Variants in FSTL5 observed in about 807,000 individuals in gnomAD.
The protein encoded by FSTL5 is follistatin like 5, also known as follistatin-related protein 5.
FSTL5 carries 62 observed loss-of-function variants against 89.1 expected under a neutral mutation model. That is an observed-to-expected ratio of 0.70 (90% confidence interval 0.57 to 0.86). FSTL5 has a LOEUF of 0.86. FSTL5 is among the 40% of genes least tolerant of loss of function. The pLI, the probability that FSTL5 is intolerant of heterozygous loss-of-function variation, is 0.00. For missense variants in FSTL5, 1,057 were observed against 1,001.6 expected, an observed-to-expected ratio of 1.06 and a Z score of -0.75; for synonymous variants, 383 against 346.2, an observed-to-expected ratio of 1.11 and a Z score of -1.18.
At chr4:162,156,098 C>T (rs1052004296) in intron 1 of FSTL5, among the ~76,000 whole-genome samples, 3 of 152,040 alleles carry the variant, frequency 2.0e-5, no homozygotes, top group African/African-American at 7.2e-5. Flanking sequence ...GTGGGCAATA[C>T]CTTAAGACTT....
At chr4:162,028,511 A>AG (rs1737388999) in intron 3 of FSTL5, among the ~76,000 whole-genome samples, 1 of 152,192 alleles carries the variant, frequency 6.6e-6, no homozygotes, top group Non-Finnish European at 1.5e-5. Flanking sequence ...CAGGAGGCGG[A>AG]GGTTGCAGTG....
intron 6 of FSTL5, among the ~76,000 whole-genome samples, chr4:161,702,872 C>A (rs1306678322): frequency 6.6e-6 from 1 of 152,020 alleles, no homozygotes; most frequent in African/African-American, 2.4e-5. Flanking sequence ...GTGTCCCCTA[C>A]AAAATTTATA....
intron 2 of FSTL5, among the ~76,000 whole-genome samples, chr4:162,074,616 C>T (rs1729763190): frequency 6.6e-6 from 1 of 151,672 alleles, no homozygotes; most frequent in Non-Finnish European, 1.5e-5. Flanking sequence ...AAGCAAGTCT[C>T]AGATCTTTCT....
intron 3 of FSTL5, among the ~76,000 whole-genome samples, chr4:161,982,420 T>G (rs1248746557): frequency 3.3e-5 from 5 of 152,236 alleles, no homozygotes; most frequent in African/African-American, 1.2e-4. Context: ...TGGTTCTCTA[T>G]GTATAAGTGA....
At chr4:161,593,018 C>A (rs1733882395) in intron 7 of FSTL5, among the ~76,000 whole-genome samples, 1 of 152,030 alleles carries the variant, frequency 6.6e-6, no homozygotes, top group African/African-American at 2.4e-5. Flanking sequence ...TGAGGATTTA[C>A]CTTCTAAGAG....
intron 13 of FSTL5, among the ~76,000 whole-genome samples, chr4:161,478,144 G>A (rs146329197): frequency 8.5e-5 from 13 of 152,094 alleles, no homozygotes; most frequent in African/African-American, 3.1e-4. Flanking sequence ...GTACAAAATT[G>A]TAGCAAGTAG....
chr4:161,872,970 G>C (rs992009118), intron 4 of FSTL5, among the ~76,000 whole-genome samples: 1 of 152,196 alleles, frequency 6.6e-6, no homozygotes, highest in African/African-American at 2.4e-5. Context: ...CACTGTGCTT[G>C]AAACATGTTA....
In FSTL5 at chr4:161,425,838, T is replaced by C. The variant is rs1329461220; in HGVS notation, c.1841+29166A>G. Among the ~76,000 whole-genome samples the C allele has an allele frequency of 2.6e-5, 4 of 152,278 alleles. No homozygotes were observed. The East Asian group carries it at 5.8e-4, about 22-fold the overall frequency. ...ATTGAAGAGCTTGGATTAGATCCTA[T>C]GTTCCCAAATTCTGTTCTCTCTCTT... is the stretch of plus-strand genomic sequence containing the variant. On this transcript the variant is annotated intron_variant, in intron 15 of 15. Coordinates refer to ENST00000306100, the MANE Select transcript of FSTL5 (RefSeq NM_020116.5).
intron 4 of FSTL5, among the ~76,000 whole-genome samples, chr4:161,891,055 C>T (rs1239330047): frequency 2.2e-5 from 3 of 134,486 alleles, no homozygotes; most frequent in East Asian, 2.3e-4. Flanking sequence ...CTATAGTTCT[C>T]GAATTCTTTT....
At chr4:161,678,283 G>A (rs1737381429) in intron 6 of FSTL5, among the ~76,000 whole-genome samples, 1 of 151,642 alleles carries the variant, frequency 6.6e-6, no homozygotes, top group South Asian at 2.1e-4. Flanking sequence ...CACACTTATA[G>A]AAAACAATTA....
chr4:161,869,646 G>A (rs906999392), intron 4 of FSTL5, among the ~76,000 whole-genome samples: 2 of 152,074 alleles, frequency 1.3e-5, no homozygotes, highest in Non-Finnish European at 2.9e-5. Flanking sequence ...GGTCACTGTC[G>A]GATACACATT....
intron 15 of FSTL5, among the ~76,000 whole-genome samples, chr4:161,395,596 T>C (rs1730969599): frequency 6.6e-6 from 1 of 152,150 alleles, no homozygotes; most frequent in Admixed American, 6.6e-5. Context: ...GCTGTTTAAC[T>C]TGGTAAACTG....
chr4:162,003,129 G>A (rs1286590075), intron 3 of FSTL5, among the ~76,000 whole-genome samples: 4 of 152,010 alleles, frequency 2.6e-5, no homozygotes, highest in Non-Finnish European at 5.9e-5. Flanking sequence ...GGGGGACAGA[G>A]CAAGACTCCG....
At chr4:161,591,745 G>C (rs1255502873) in intron 7 of FSTL5, among the ~76,000 whole-genome samples, 1 of 152,268 alleles carries the variant, frequency 6.6e-6, no homozygotes, top group East Asian at 1.9e-4. Flanking sequence ...TTATAAAGCA[G>C]TTATCTGTAT....
At chr4:162,054,406 A>G (rs996262371) in intron 2 of FSTL5, among the ~76,000 whole-genome samples, 65 of 151,924 alleles carry the variant, frequency 4.3e-4, no homozygotes, top group African/African-American at 1.4e-3. Flanking sequence ...CCATATTTCC[A>G]TTAAACAACT....
intron 6 of FSTL5, among the ~76,000 whole-genome samples, chr4:161,712,633 T>C (rs1215784585): frequency 6.6e-6 from 1 of 152,158 alleles, no homozygotes; most frequent in Non-Finnish European, 1.5e-5. Flanking sequence ...CCTTCAACAT[T>C]GGAGGTGGGC....
intron 15 of FSTL5, among the ~76,000 whole-genome samples, chr4:161,443,701 G>A (rs1270570711): frequency 1.3e-5 from 2 of 152,016 alleles, no homozygotes; most frequent in East Asian, 1.9e-4. Flanking sequence ...ACGACTAGAG[G>A]AGCAGGAAAA....
chr4:161,601,473 A>G (rs772986990), intron 7 of FSTL5, among the ~76,000 whole-genome samples: 7 of 152,146 alleles, frequency 4.6e-5, no homozygotes, highest in Non-Finnish European at 7.4e-5. Context: ...AGGTAGGAAC[A>G]CTGAGAAAAT....
chr4:162,043,382 G>A (rs185217115), intron 2 of FSTL5: 1 of 152,270 alleles, frequency 6.6e-6, no homozygotes, highest in East Asian at 1.9e-4. Flanking sequence ...TATTAAGTGT[G>A]TAGGAGCATT....
Sources: gnomAD v4.1 joint callset for allele counts (sites outside exome capture counted in the v4.1 genomes callset) on GRCh38, gnomAD v4.1.1 for gene constraint, MANE v1.5 for transcripts, NCBI Gene and HGNC (gene_info 2026-07-23, HGNC 2026-07-21) for gene names.